MYCBP2: variants seen among roughly 807,000 people sequenced by gnomAD.
MYCBP2 encodes E3 ubiquitin-protein ligase MYCBP2.
MYCBP2 carries 120 observed loss-of-function variants against 525.3 expected under a neutral mutation model. The observed-to-expected ratio is 0.23, with a 90% confidence interval of 0.20 to 0.27. The LOEUF (loss-of-function observed/expected upper bound fraction) is 0.27, where lower values mean the gene tolerates loss of function less well. MYCBP2 is among the 10% of genes least tolerant of loss of function. The pLI is 1.00. For missense variants in MYCBP2, 4,149 were observed against 5,657.1 expected (o/e 0.73, Z 8.55); for synonymous variants, 1,894 against 1,955.8 (o/e 0.97, Z 0.83).
rs768055648 is a variant in MYCBP2 at position 77,144,454 on chromosome 13, T to G, written c.7294A>C (p.Ile2432Leu). ...LYTLHVTIDG[I>L]EIDAGLEVKV... ...GCTTTAAAGAAAATACCGATTTCAA[T>G]GCCATCAATGGTAACATGAAGAGTG... The change falls in exon 49 of 83, where the codon ATT (isoleucine) becomes CTT (leucine). Residue 2432 changes from isoleucine to leucine, a missense_variant. Coordinates refer to ENST00000544440, the MANE Select transcript of MYCBP2 (RefSeq NM_015057.5). 6.2e-7 allele frequency: 1 copy of G among 1,607,948 alleles called. No homozygotes were observed. Among genetic ancestry groups the G allele is most frequent in the Non-Finnish European group, 8.5e-7 (1 of 1,174,626 alleles).
At chr13:77,125,068 A>C (rs917298084) in intron 54 of MYCBP2, among the ~76,000 whole-genome samples, 3 of 152,158 alleles carry the variant, frequency 2.0e-5, no homozygotes, top group African/African-American at 4.8e-5. Flanking sequence ...GAGGTATATA[A>C]ATTTATATTA....
Position 77,097,714 on chromosome 13 carries a change from T to G in MYCBP2, c.9440A>C (p.His3147Pro). The G allele has an allele frequency of 6.2e-7, 1 of 1,613,700 alleles. No individual in the cohort carries two copies. The highest frequency in any genetic ancestry group is 8.5e-7 in the Non-Finnish European group (1 of 1,179,804). ...AGGAGACTTAGACTTCATTGTGTTA[T>G]GCATGGACATTTCAAAAGTGGTCTC... ...KTETTFEMSMHNTMKSKSPLP... is the reference protein window; with the variant it reads ...KTETTFEMSMPNTMKSKSPLP... Residue 3147 changes from histidine (H) to proline (P), a missense_variant, in exon 56 of 83, where the codon CAT becomes CCT. This residue lies in a region of MYCBP2 where 653 missense variants were observed against 744.7 expected (regional missense o/e 0.88). Coordinates refer to ENST00000544440, the MANE Select transcript of MYCBP2 (RefSeq NM_015057.5).
chr13:77,134,302 G>T (rs147877804), intron 52 of MYCBP2, among the ~76,000 whole-genome samples: 1 of 152,114 alleles, frequency 6.6e-6, no homozygotes, highest in Non-Finnish European at 1.5e-5. Flanking sequence ...AGCCAAGGTA[G>T]GTGGATCACT....
rs779757790 is a variant in MYCBP2 at position 77,045,450 on chromosome 13, A to C, written c.13965T>G (p.His4655Gln). ...CTTCCCCAGTGGGTGGATGAACAAC[A>C]TGGAGTGGACATTCAGTTCCTTCTA... ...KQLEGTECPL[H>Q]VVHPPTGEEF... is the part of the protein sequence containing the mutation. Residue 4655 changes from histidine (H) to glutamine (Q), a missense_variant, in exon 83 of 83, where the codon CAT (histidine) becomes CAG (glutamine). Physicochemically the swap from His to Gln is conservative, Grantham distance 24. Around this residue, in one of 21 missense-constraint regions of MYCBP2, gnomAD observed 45 missense variants for 130.1 expected, o/e 0.35. Coordinates refer to ENST00000544440, the MANE Select transcript of MYCBP2 (RefSeq NM_015057.5). 2.5e-6 allele frequency: 4 copies of C among 1,614,142 alleles called. No individual in the cohort carries two copies. Among genetic ancestry groups the C allele is most frequent in the Non-Finnish European group, 3.4e-6 (4 of 1,180,004 alleles).
chr13:77,060,559 T>C (rs2039093686), intron 76 of MYCBP2, among the ~76,000 whole-genome samples: 1 of 152,228 alleles, frequency 6.6e-6, no homozygotes, highest in Non-Finnish European at 1.5e-5. Context: ...GAACTAGGAA[T>C]ATACAAGATT....
intron 71 of MYCBP2, 114 bp downstream of exon 71, chr13:77,067,467 T>C (rs2040401346): frequency 2.7e-6 from 3 of 1,094,038 alleles, no homozygotes; most frequent in Non-Finnish European, 4.0e-6. Context: ...CAGTTGTTTA[T>C]GGATTTTATT....
In MYCBP2 at chr13:77,081,382, A is replaced by T. The variant is rs756825038; in HGVS notation, c.11418+45T>A. The T allele has an allele frequency of 1.3e-6, 2 of 1,522,764 alleles. No homozygotes were observed. Among genetic ancestry groups the T allele is most frequent in the Non-Finnish European group, 1.8e-6 (2 of 1,106,018 alleles). The allele number at this position is 1,522,764 out of a possible 1,614,324, so 94.3% of individuals were successfully genotyped here. ...GAAATGAAAGTGCATGAATACTAAG[A>T]TCTGAAAAGAGCTAAAGAGCCGTAA... On this transcript the variant is annotated intron_variant, in intron 65 of 82. Coordinates refer to ENST00000544440, the MANE Select transcript of MYCBP2 (RefSeq NM_015057.5). The surrounding 1 kb of genome is among the most constrained non-coding windows in gnomAD (Gnocchi z 4.6).
chr13:77,277,315 A>G (rs1455766337), intron 4 of MYCBP2, among the ~76,000 whole-genome samples: 1 of 152,222 alleles, frequency 6.6e-6, no homozygotes, highest in East Asian at 1.9e-4. Flanking sequence ...CACAATATTA[A>G]TATGATCACT....
At chr13:77,174,919 T>TA (rs1491197696) in intron 36 of MYCBP2, among the ~76,000 whole-genome samples, 2 of 11,430 alleles carry the variant, frequency 1.7e-4, no homozygotes, top group African/African-American at 2.7e-4. Context: ...ATAATATATA[T>TA]TATATATATA....
In MYCBP2 at chr13:77,058,496, C is replaced by T. The variant is rs1262423108; in HGVS notation, c.13141-90G>A. The T allele has an allele frequency of 1.1e-5, 13 of 1,165,688 alleles. No individual in the cohort carries two copies. Among genetic ancestry groups the T allele is most frequent in the Non-Finnish European group, 1.5e-5 (13 of 856,036 alleles). 72.2% of individuals were successfully genotyped at this position (1,165,688 alleles called of 1,614,324 possible). On this transcript the variant is annotated intron_variant, in intron 77 of 82. Transcript: ENST00000544440. This position sits in a 1 kb window ranked among gnomAD's most constrained non-coding sequence, Gnocchi z 4.1. ...TTATTATATAAATTTCCAAAGATTA[C>T]TTTCCCACAGGAAGTATCTATGCAG...
chr13:77,260,603 G>T lies in MYCBP2; in HGVS notation c.1853-11C>A, dbSNP rs774880040. 1 of 1,570,560 alleles carries T rather than the reference G, an allele frequency of 6.4e-7. No homozygotes were observed. The highest frequency in any genetic ancestry group is 1.2e-5 in the South Asian group (1 of 83,660). On this transcript the variant is annotated splice_polypyrimidine_tract_variant and intron_variant, in intron 12 of 82. Coordinates refer to ENST00000544440, the MANE Select transcript of MYCBP2 (RefSeq NM_015057.5). ...GCCGTCTGCTCTTAGCTTTAAAAAA[G>T]AAATTAGATTAAATCAAGACCTCTA...
chr13:77,045,777 A>G (rs2035443578), intron 82 of MYCBP2, among the ~76,000 whole-genome samples: 1 of 152,186 alleles, frequency 6.6e-6, no homozygotes, highest in South Asian at 2.1e-4. Flanking sequence ...TCTATTAATA[A>G]ATGCATCAGA....
At chr13:77,168,747 T>A in intron 39 of MYCBP2, 101 bp from the exon 40 acceptor site, 1 of 1,075,494 alleles carries the variant, frequency 9.3e-7, no homozygotes, top group Non-Finnish European at 1.3e-6. Flanking sequence ...ACAATTTCCA[T>A]CTAAATTTTC....
At chr13:77,127,217 A>G (rs2051828953) in intron 52 of MYCBP2, among the ~76,000 whole-genome samples, 1 of 152,146 alleles carries the variant, frequency 6.6e-6, no homozygotes, top group South Asian at 2.1e-4. Flanking sequence ...TGCTAGTAAC[A>G]GAAAAACAGA....
At chr13:77,195,510 T>C (rs1480750860) in intron 26 of MYCBP2, among the ~76,000 whole-genome samples, 1 of 152,066 alleles carries the variant, frequency 6.6e-6, no homozygotes, top group Non-Finnish European at 1.5e-5. Context: ...GGCAGAAGAA[T>C]TGCTTGAACC....
At chr13:77,121,732 T>C (rs1241847191) in intron 54 of MYCBP2, among the ~76,000 whole-genome samples, 1 of 152,232 alleles carries the variant, frequency 6.6e-6, no homozygotes, top group Admixed American at 6.5e-5. Context: ...TAGGCTCTTA[T>C]GAAGCCAATT....
intron 18 of MYCBP2, among the ~76,000 whole-genome samples, chr13:77,232,871 T>A (rs558744847): frequency 6.6e-6 from 1 of 152,292 alleles, no homozygotes; most frequent in South Asian, 2.1e-4. Flanking sequence ...GCAATAATTA[T>A]TTTTTCCACC....
intron 8 of MYCBP2, among the ~76,000 whole-genome samples, chr13:77,266,491 G>A (rs866486821): frequency 6.6e-6 from 1 of 151,784 alleles, no homozygotes; most frequent in Non-Finnish European, 1.5e-5. Flanking sequence ...TACAAGTATG[G>A]ACATATACAC....
intron 18 of MYCBP2, among the ~76,000 whole-genome samples, chr13:77,230,065 T>C (rs2066915815): frequency 6.6e-6 from 1 of 152,232 alleles, no homozygotes; most frequent in Non-Finnish European, 1.5e-5. Flanking sequence ...CTGTATTTTA[T>C]ATGGAATTTT....
Sources: allele counts gnomAD v4.1 joint callset (sites outside exome capture counted in the v4.1 genomes callset), GRCh38; gene constraint gnomAD v4.1.1; regional missense constraint gnomAD v4.1.1; non-coding constraint Gnocchi (gnomAD v3.1); transcripts MANE v1.5; gene names NCBI Gene and HGNC (gene_info 2026-07-23, HGNC 2026-07-21).